Variants in SNTB1 observed in about 807,000 individuals in gnomAD.
SNTB1 encodes syntrophin beta 1, also known as beta-1-syntrophin.
Under a neutral mutation model 48.9 loss-of-function variants are expected in SNTB1, and 36 were observed. The ratio of observed to expected loss-of-function variants is 0.74; its 90% CI spans 0.56 to 0.97. The LOEUF (loss-of-function observed/expected upper bound fraction) is 0.97, where lower values mean the gene tolerates loss of function less well. Among genes scored for constraint, SNTB1 ranks in the 50% least tolerant of loss-of-function variants. SNTB1 has a pLI of 0.00. For missense variants in SNTB1, 786 were observed against 703.4 expected, an observed-to-expected ratio of 1.12 and a Z score of -1.33; for synonymous variants, 299 against 294.6, an observed-to-expected ratio of 1.01 and a Z score of -0.15.
chr8:120,580,100 T>G (rs555586861), intron 3 of SNTB1, among the ~76,000 whole-genome samples: 1 of 152,350 alleles, frequency 6.6e-6, no homozygotes, highest in South Asian at 2.1e-4. Context: ...TATCTGCTAC[T>G]AGGCTGGAAC....
Position 120,538,795 on chromosome 8 carries a change from G to T in SNTB1, c.*82C>A. Reference sequence around the variant, plus strand: ...TGTAGCACGCTACATCTGGTGCGCTGCTCACTACAGATGGTGTCTGACATC... The same window carrying T: ...TGTAGCACGCTACATCTGGTGCGCTTCTCACTACAGATGGTGTCTGACATC... On this transcript the variant is annotated 3_prime_UTR_variant, in exon 7 of 7. Transcript: ENST00000517992. The T allele has an allele frequency of 1.8e-6, 2 of 1,109,688 alleles. No individual in the cohort carries two copies. The highest frequency in any genetic ancestry group is 2.8e-6 in the Non-Finnish European group (2 of 721,480). The allele number at this position is 1,109,688 out of a possible 1,614,324, so 68.7% of individuals were successfully genotyped here.
chr8:120,783,803 C>T lies in SNTB1; in HGVS notation c.571+27470G>A, dbSNP rs868667657. 3.3e-5 allele frequency among the ~76,000 whole-genome samples: 5 copies of T among 151,772 alleles called. No individual in the cohort carries two copies. In the South Asian group the frequency reaches 6.3e-4, roughly 19 times the overall value. On this transcript the variant is annotated intron_variant, in intron 1 of 6. Transcript: ENST00000517992. ...CAACCAACCACAGATGGAAAATATT[C>T]GAAATAGATAAAACAAAAATTTTTT...
rs2030913484 is a variant in SNTB1, at chr8:120,811,765, C to G, written c.79G>C (p.Glu27Gln). ...TGCCAGCGATCCCGCACCAAAACTT[C>G]CAGCAGCCCGCTCCGCTGCGCCCGG... is the stretch of plus-strand genomic sequence containing the variant. ...GGRAQRSGLL[E>Q]VLVRDRWHKV... Residue 27 changes from glutamate to glutamine, a missense_variant, in exon 1 of 7, where the codon GAA (glutamate) becomes CAA (glutamine). Physicochemically the swap from Glu to Gln is conservative, Grantham distance 29. Transcript: ENST00000517992. 1.3e-6 allele frequency: 2 copies of G among 1,531,344 alleles called. No homozygotes were observed. The highest frequency in any genetic ancestry group is 1.8e-6 in the Non-Finnish European group (2 of 1,142,474). The allele number at this position is 1,531,344 out of a possible 1,614,324, so 94.9% of individuals were successfully genotyped here.
chr8:120,544,715 C>CT (rs1455003284), intron 5 of SNTB1, among the ~76,000 whole-genome samples: 1 of 151,244 alleles, frequency 6.6e-6, no homozygotes, highest in Non-Finnish European at 1.5e-5. Flanking sequence ...CTGAACTTCT[C>CT]TGTTATTACA....
intron 3 of SNTB1, among the ~76,000 whole-genome samples, chr8:120,607,417 A>C (rs1376976992): frequency 8.1e-6 from 1 of 123,292 alleles, no homozygotes; most frequent in East Asian, 1.9e-4. Context: ...TTTTTTTAAA[A>C]AAGTATACTT....
chr8:120,693,789 A>G lies in SNTB1; in HGVS notation c.691T>C (p.Ser231Pro), dbSNP rs1301238970. ...CTGTGGAAGGAGAAGGACTGCGATG[A>G]CGGGGGGTCTGAGGTGCTGCCCCCT... ...RLGGSTSDPP[S>P]SQSFSFHRDR... Residue 231 changes from serine to proline, a missense_variant, in exon 2 of 7, where the codon TCA becomes CCA. By Grantham distance (74) the Ser-to-Pro change is moderately conservative. Coordinates refer to ENST00000517992, the MANE Select transcript of SNTB1 (RefSeq NM_021021.4). The G allele has an allele frequency of 6.2e-7, 1 of 1,613,858 alleles. No homozygotes were observed. The highest frequency in any genetic ancestry group is 1.3e-5 in the African/African-American group (1 of 74,900).
At chr8:120,566,708 C>T (rs980310731) in intron 4 of SNTB1, among the ~76,000 whole-genome samples, 1 of 152,114 alleles carries the variant, frequency 6.6e-6, no homozygotes. Flanking sequence ...GGACCGGGTC[C>T]CATCCCCAGA....
intron 4 of SNTB1, among the ~76,000 whole-genome samples, chr8:120,574,211 A>C (rs1815910378): frequency 6.6e-6 from 1 of 152,096 alleles, no homozygotes; most frequent in Admixed American, 6.6e-5. Context: ...CAGCGGGGAG[A>C]GGGAAATGGG....
At chr8:120,712,076 T>A (rs1202012271) in intron 1 of SNTB1, among the ~76,000 whole-genome samples, 1 of 152,186 alleles carries the variant, frequency 6.6e-6, no homozygotes, top group Non-Finnish European at 1.5e-5. Flanking sequence ...ATTGTAGATT[T>A]ATAAGTGAAT....
chr8:120,606,235 ATATAATATAATAATATATAATTATT>A (rs1373380475), intron 3 of SNTB1, among the ~76,000 whole-genome samples: 5 of 147,154 alleles, frequency 3.4e-5, no homozygotes, highest in Non-Finnish European at 7.5e-5. Flanking sequence ...ATATAATTAT[ATATAATATAATAATATATAATTATT>A]TATAACATAA....
chr8:120,783,451 T>C (rs1819863989), intron 1 of SNTB1, among the ~76,000 whole-genome samples: 1 of 152,154 alleles, frequency 6.6e-6, no homozygotes, highest in South Asian at 2.1e-4. Flanking sequence ...TATTTAATCA[T>C]GAGATGAAAA....
chr8:120,766,626 AT>A (rs1398015531), intron 1 of SNTB1, among the ~76,000 whole-genome samples: 1 of 152,294 alleles, frequency 6.6e-6, no homozygotes, highest in Middle Eastern at 3.4e-3. Flanking sequence ...GCAATACCAA[AT>A]TGAATAAGAC....
rs115864397 is a variant in SNTB1, at chr8:120,727,300, G to A, written c.572-33392C>T. Among the ~76,000 whole-genome samples, 560 of 152,222 alleles carry A rather than the reference G, an allele frequency of 3.7e-3. 4 individuals are homozygous for A. The highest frequency in any genetic ancestry group is 0.013 in the African/African-American group (536 of 41,516). On this transcript the variant is annotated intron_variant, in intron 1 of 6. Coordinates refer to ENST00000517992, the MANE Select transcript of SNTB1 (RefSeq NM_021021.4). ...CGTTTCTCTTCTGGGGTGTCCAAGG[G>A]TTATGTCTACAGAGAATAAGACCAT... is the stretch of plus-strand genomic sequence containing the variant.
At chr8:120,775,722 G>T (rs963723470) in intron 1 of SNTB1, among the ~76,000 whole-genome samples, 2 of 140,978 alleles carry the variant, frequency 1.4e-5, no homozygotes, top group African/African-American at 5.7e-5. Flanking sequence ...AAGGAAGGAA[G>T]GAAGGAAGGA....
chr8:120,580,877 C>T (rs1214589641), intron 3 of SNTB1, among the ~76,000 whole-genome samples: 1 of 152,076 alleles, frequency 6.6e-6, no homozygotes, highest in East Asian at 1.9e-4. Context: ...CTCCAGCTCT[C>T]TTCTAGCTTG....
At chr8:120,570,331 C>T (rs1815822716) in intron 4 of SNTB1, 2 of 152,166 alleles carry the variant, frequency 1.3e-5, no homozygotes, top group African/African-American at 2.4e-5. Flanking sequence ...TGTTATTTGA[C>T]ACCAAATATA....
At chr8:120,562,481 T>C (rs1399368935) in intron 4 of SNTB1, among the ~76,000 whole-genome samples, 1 of 152,140 alleles carries the variant, frequency 6.6e-6, no homozygotes, top group African/African-American at 2.4e-5. Context: ...GGAAGATCAC[T>C]AGGTATATGG....
intron 2 of SNTB1, among the ~76,000 whole-genome samples, chr8:120,676,938 C>A (rs1329027033): frequency 6.6e-6 from 1 of 151,860 alleles, no homozygotes; most frequent in African/African-American, 2.4e-5. Flanking sequence ...GTTTTGTGCA[C>A]CTGCAGTCCC....
chr8:120,678,140 A>C (rs973842795), intron 2 of SNTB1, among the ~76,000 whole-genome samples: 1 of 152,200 alleles, frequency 6.6e-6, no homozygotes, highest in Non-Finnish European at 1.5e-5. Flanking sequence ...GTGATTTGGC[A>C]TTTTAAATGA....
Sources: gnomAD v4.1 joint callset for allele counts (sites outside exome capture counted in the v4.1 genomes callset) on GRCh38, gnomAD v4.1.1 for gene constraint, MANE v1.5 for transcripts, NCBI Gene and HGNC (gene_info 2026-07-23, HGNC 2026-07-21) for gene names.